HOOK2: variants seen among roughly 807,000 people sequenced by gnomAD.
HOOK2 encodes hook microtubule tethering protein 2.
In HOOK2, 108 loss-of-function variants were observed where a neutral mutation model predicts 111.9. The ratio of observed to expected loss-of-function variants is 0.96; its 90% CI spans 0.83 to 1.13. The LOEUF (loss-of-function observed/expected upper bound fraction) is 1.13, where lower values mean the gene tolerates loss of function less well. Ranked by LOEUF, HOOK2 falls within the 50% of genes most tolerant of loss-of-function variation. HOOK2 has a pLI of 0.00. For synonymous variants in HOOK2, 405 were observed against 394.3 expected, an observed-to-expected ratio of 1.03 and a Z score of -0.32; for missense variants, 978 against 951.3, an observed-to-expected ratio of 1.03 and a Z score of -0.37.
upstream of HOOK2, among the ~76,000 whole-genome samples, chr19:12,778,045 C>T (rs1425355440): frequency 7.2e-5 from 11 of 152,198 alleles, no homozygotes; most frequent in Non-Finnish European, 1.5e-4. Context: ...GAAGCCCAGG[C>T]TCGCGCCCTG....
chr19:12,768,181 G>C, intron 11 of HOOK2, 58 bp from the exon 12 acceptor site: 1 of 1,365,564 alleles, frequency 7.3e-7, no homozygotes, highest in Non-Finnish European at 1.0e-6. Flanking sequence ...GGCAGGGGCT[G>C]AGTACAAATG....
chr19:12,769,968 G>C lies in HOOK2; in HGVS notation c.1017C>G (p.Ala339=). The C allele has an allele frequency of 1.9e-6, 3 of 1,552,356 alleles. No homozygotes were observed. Among genetic ancestry groups the C allele is most frequent in the Non-Finnish European group, 2.6e-6 (3 of 1,155,520 alleles). The change falls in exon 11 of 23, where the codon GCC becomes GCG. Residue 339 remains alanine (A), a synonymous_variant. Coordinates refer to ENST00000397668, the MANE Select transcript of HOOK2 (RefSeq NM_013312.3). ...RQVRQLEERN[A]GHAERTRQLE... is the part of the protein sequence containing the mutation. ...GTTGTCGCGTGCGCTCGGCGTGGCC[G>C]GCGTTGCGTTCCTCCAGCTGCCGCA...
upstream of HOOK2, among the ~76,000 whole-genome samples, chr19:12,775,896 T>TTTTTTTTA (rs1242024673): frequency 7.0e-6 from 1 of 142,050 alleles, no homozygotes; most frequent in African/African-American, 2.7e-5. Flanking sequence ...TTTTTTTTTT[T>TTTTTTTTA]GAGACGGAGT....
intron 11 of HOOK2, among the ~76,000 whole-genome samples, chr19:12,769,459 G>C (rs553236973): frequency 1.6e-4 from 24 of 152,152 alleles, no homozygotes; most frequent in African/African-American, 5.5e-4. Flanking sequence ...GTCTCACCCT[G>C]TCACCCAGGC....
In HOOK2 at chr19:12,769,664, G is replaced by A. The variant is rs911105171; in HGVS notation, c.1104+217C>T. Among the ~76,000 whole-genome samples the A allele has an allele frequency of 2.0e-5, 3 of 152,184 alleles. No individual in the cohort carries two copies. The East Asian group carries it at 5.8e-4, about 29-fold the overall frequency. On this transcript the variant is annotated intron_variant, in intron 11 of 22. Transcript: ENST00000397668. ...AAATCAAGCAGCATGGTGAAGCGGC[G>A]GGCATCAAAGAATTTAGAGGAGCGG...
rs1599522358 is a variant in HOOK2, at chr19:12,790,326, T to C, written n.42-16101A>G. Among the ~76,000 whole-genome samples, 1 of 152,134 alleles carries C rather than the reference T, an allele frequency of 6.6e-6. No individual in the cohort carries two copies. The highest frequency in any genetic ancestry group is 6.5e-5 in the Admixed American group (1 of 15,280). ...GGCCGGGCTCCTTCCCCCGGGGCTGTTGCCACACTTCCTGCCTCTGCGCTC... is the reference window on the plus strand; with the variant it reads ...GGCCGGGCTCCTTCCCCCGGGGCTGCTGCCACACTTCCTGCCTCTGCGCTC... On this transcript the variant is annotated intron_variant and non_coding_transcript_variant, in intron 3 of 3. Transcript: ENST00000589765. The surrounding 1 kb of genome is among the most constrained non-coding windows in gnomAD (Gnocchi z 7.2).
intron 10 of HOOK2, among the ~76,000 whole-genome samples, chr19:12,770,453 G>A (rs1968286019): frequency 6.6e-6 from 1 of 151,672 alleles, no homozygotes; most frequent in Non-Finnish European, 1.5e-5. Flanking sequence ...CAATTGGGGG[G>A]TGCACTAGTA....
At chr19:12,765,518 C>T (rs1418116810) in intron 18 of HOOK2, 172 bp downstream of exon 18, 5 of 862,984 alleles carry the variant, frequency 5.8e-6, no homozygotes, top group African/African-American at 1.7e-5. Context: ...GAGGCCAAAG[C>T]GGGTGGATCA....
chr19:12,775,838 G>A (rs532681230), upstream of HOOK2, among the ~76,000 whole-genome samples: 3 of 150,522 alleles, frequency 2.0e-5, no homozygotes, highest in South Asian at 6.3e-4. Context: ...TTACACAAGC[G>A]CATTCACGTC....
chr19:12,782,922 G>C (rs1394409007), upstream of HOOK2, among the ~76,000 whole-genome samples: 1 of 148,568 alleles, frequency 6.7e-6, no homozygotes. Flanking sequence ...AGAGCTTCCC[G>C]CGTAGCCAGG....
chr19:12,789,684 G>T (rs1297984083), intron 3 of HOOK2, among the ~76,000 whole-genome samples: 1 of 151,508 alleles, frequency 6.6e-6, no homozygotes, highest in Non-Finnish European at 1.5e-5. Flanking sequence ...CGGGCCGGGG[G>T]CGAAGTCCGA....
At position 12,770,063 on chromosome 19, in the gene HOOK2, C is replaced by G. The variant is rs760000204; in HGVS notation, c.922G>C (p.Gly308Arg). 64 of 1,529,674 alleles carry G rather than the reference C, an allele frequency of 4.2e-5. 1 individual carries two copies. The Middle Eastern group carries it at 1.2e-3, about 28-fold the overall frequency. 94.8% of individuals were successfully genotyped at this position (1,529,674 alleles called of 1,614,324 possible). A position where few individuals can be genotyped will look rare whatever the true frequency, so the allele number is the denominator to read the frequency against. ...CTGGTCAGCGTGGCCTCCAGCTGCC[C>G]AGCACGCTCCGAAGACTGCCTAGGG... The part of the protein sequence containing the change: ...DELRQSSERA[G>R]QLEATLTSCR... The change falls in exon 11 of 23, where the codon GGG (glycine) becomes CGG (arginine). Residue 308 changes from glycine to arginine, a missense_variant. Gly to Arg is a moderately radical substitution (Grantham distance 125, BLOSUM62 -2). This residue lies in a region of HOOK2 where 388 missense variants were observed against 358.3 expected (regional missense o/e 1.08). Coordinates refer to ENST00000397668, the MANE Select transcript of HOOK2 (RefSeq NM_013312.3).
chr19:12,781,160 G>A (rs996195473), upstream of HOOK2, among the ~76,000 whole-genome samples: 2 of 143,206 alleles, frequency 1.4e-5, no homozygotes, highest in African/African-American at 5.1e-5. Context: ...AAAATTAGCC[G>A]GGCATGGTGG....
intron 18 of HOOK2, chr19:12,765,358 A>ATTGCTAGCT (rs1968115919): frequency 3.4e-6 from 2 of 589,510 alleles, no homozygotes; most frequent in East Asian, 5.7e-5. Context: ...TTCAGCCACC[A>ATTGCTAGCT]TCTTCCCTTG....
chr19:12,765,606 A>G (rs1363128528), intron 18 of HOOK2, 84 bp downstream of exon 18: 7 of 1,532,884 alleles, frequency 4.6e-6, no homozygotes, highest in Non-Finnish European at 6.3e-6. Context: ...AAAATCAGCC[A>G]GGCATGGTGG....
At position 12,768,130 on chromosome 19, in the gene HOOK2, A is replaced by G. The variant is rs1231345493; in HGVS notation, c.1105-7T>C. ...GGCCCTGCAGTTCCTGCACCTGAAC[A>G]CAGAGAGGGGAGGAATAAGGACAGC... On this transcript the variant is annotated splice_polypyrimidine_tract_variant and splice_region_variant and intron_variant, in intron 11 of 22. Coordinates refer to ENST00000397668, the MANE Select transcript of HOOK2 (RefSeq NM_013312.3). The G allele has an allele frequency of 2.5e-6, 4 of 1,612,474 alleles. No individual in the cohort carries two copies. Among genetic ancestry groups the G allele is most frequent in the Non-Finnish European group, 3.4e-6 (4 of 1,178,674 alleles).
At chr19:12,770,206 G>T (rs951318279) in intron 10 of HOOK2, 124 bp from the exon 11 acceptor site, 2 of 801,030 alleles carry the variant, frequency 2.5e-6, no homozygotes, top group Non-Finnish European at 3.7e-6. Context: ...AGGTGAAGGG[G>T]TCATGAAAGT....
Position 12,791,735 on chromosome 19 carries a change from C to A in HOOK2, n.42-17510G>T. 6.6e-7 allele frequency: 1 copy of A among 1,504,324 alleles called. No individual in the cohort carries two copies. Among genetic ancestry groups the A allele is most frequent in the Non-Finnish European group, 9.0e-7 (1 of 1,109,724 alleles). 93.2% of individuals were successfully genotyped at this position (1,504,324 alleles called of 1,614,324 possible). ...CGCTGCAGCGAGGCCCGGAGCGGCC[C>A]CGCAGGGACCCTCCCCAGACCGCCT... is the stretch of plus-strand genomic sequence containing the variant. On this transcript the variant is annotated intron_variant and non_coding_transcript_variant, in intron 3 of 3. Coordinates refer to the HOOK2 transcript ENST00000589765. This position sits in a 1 kb window ranked among gnomAD's most constrained non-coding sequence, Gnocchi z 7.0.
chr19:12,779,140 C>T (rs1968570362), upstream of HOOK2, among the ~76,000 whole-genome samples: 1 of 152,200 alleles, frequency 6.6e-6, no homozygotes, highest in African/African-American at 2.4e-5. Context: ...CAGCCCCCAG[C>T]TGGATTGGGG....
Sources: allele counts gnomAD v4.1 joint callset (sites outside exome capture counted in the v4.1 genomes callset), GRCh38; gene constraint gnomAD v4.1.1; regional missense constraint gnomAD v4.1.1; non-coding constraint Gnocchi (gnomAD v3.1); transcripts MANE v1.5; gene names NCBI Gene and HGNC (gene_info 2026-07-23, HGNC 2026-07-21).